Variants in NR6A1 observed in about 807,000 individuals in gnomAD.
NR6A1 encodes the protein nuclear receptor subfamily 6 group A member 1.
Under a neutral mutation model 59.1 loss-of-function variants are expected in NR6A1, and 7 were observed. The ratio of observed to expected loss-of-function variants is 0.12; its 90% CI spans 0.07 to 0.22. The LOEUF (loss-of-function observed/expected upper bound fraction) is 0.22. Among genes scored for constraint, NR6A1 ranks in the 10% least tolerant of loss-of-function variants. NR6A1 has a pLI of 1.00. For synonymous variants in NR6A1, 243 were observed against 236.1 expected, an observed-to-expected ratio of 1.03 and a Z score of -0.27; for missense variants, 468 against 611.6, an observed-to-expected ratio of 0.77 and a Z score of 2.48.
Position 124,554,573 on chromosome 9 carries a change from G to T in NR6A1, c.143-3C>A, listed in dbSNP as rs763700529. 1.9e-6 allele frequency: 3 copies of T among 1,614,016 alleles called. No individual in the cohort carries two copies. Among genetic ancestry groups the T allele is most frequent in the South Asian group, 2.2e-5 (2 of 91,064 alleles). Reference sequence around the variant, plus strand: ...AGCCCGATCATCTGAAACAGAAACTGATCATGTTCAAGTTAGAACACAGTG... The same window carrying T: ...AGCCCGATCATCTGAAACAGAAACTTATCATGTTCAAGTTAGAACACAGTG... On this transcript the variant is annotated splice_polypyrimidine_tract_variant and splice_region_variant and intron_variant, in intron 2 of 9. Coordinates refer to ENST00000487099, the MANE Select transcript of NR6A1 (RefSeq NM_033334.4).
At chr9:124,588,449 A>G (rs1312068159) in intron 2 of NR6A1, among the ~76,000 whole-genome samples, 1 of 151,544 alleles carries the variant, frequency 6.6e-6, no homozygotes, top group Non-Finnish European at 1.5e-5. Flanking sequence ...CTGGGACTAC[A>G]GGCGCCCGCC....
intron 2 of NR6A1, among the ~76,000 whole-genome samples, chr9:124,713,679 AG>A: frequency 6.6e-6 from 1 of 152,374 alleles, no homozygotes; most frequent in South Asian, 2.1e-4. Flanking sequence ...TGCAAATCAA[AG>A]CCACAATGAG....
At chr9:124,737,858 CCTT>C (rs1260448637) in intron 1 of NR6A1, among the ~76,000 whole-genome samples, 3 of 152,202 alleles carry the variant, frequency 2.0e-5, no homozygotes, top group African/African-American at 7.2e-5. Context: ...GAGCAAGACT[CCTT>C]CTCAAAAACC....
intron 1 of NR6A1, among the ~76,000 whole-genome samples, chr9:124,745,525 GC>G (rs1202245676): frequency 6.6e-6 from 1 of 151,890 alleles, no homozygotes; most frequent in East Asian, 1.9e-4. Context: ...TACAAAATTA[GC>G]CGGGCATGGT....
chr9:124,662,971 G>A (rs1837492418), intron 2 of NR6A1, among the ~76,000 whole-genome samples: 1 of 152,164 alleles, frequency 6.6e-6, no homozygotes, highest in African/African-American at 2.4e-5. Flanking sequence ...AGCTATATTA[G>A]AAATACAATG....
intron 2 of NR6A1, among the ~76,000 whole-genome samples, chr9:124,562,273 T>C (rs191517937): frequency 3.3e-5 from 5 of 152,344 alleles, no homozygotes; most frequent in Admixed American, 2.6e-4. Context: ...CCTTTGTATG[T>C]AAAAGTCATG....
rs1411280516 is a variant in NR6A1 at position 124,519,678 on chromosome 9, A to C, written c.*3027T>G. ...CACTTTGGGAGGCCGAGGCAGGCGG[A>C]TCACGAGGTCAGGAGATGGAGACCA... On this transcript the variant is annotated 3_prime_UTR_variant, in exon 10 of 10. Coordinates refer to ENST00000487099, the MANE Select transcript of NR6A1 (RefSeq NM_033334.4). 2 of 152,124 alleles carry C rather than the reference A, an allele frequency of 1.3e-5. No individual in the cohort carries two copies. Among genetic ancestry groups the C allele is most frequent in the African/African-American group, 4.8e-5 (2 of 41,392 alleles). The allele number at this position is 152,124 out of a possible 1,614,324, so 9.4% of individuals were successfully genotyped here.
intron 5 of NR6A1, among the ~76,000 whole-genome samples, chr9:124,539,058 A>G (rs184898360): frequency 6.6e-6 from 1 of 152,218 alleles, no homozygotes; most frequent in East Asian, 1.9e-4. Context: ...TAAAAAAAAA[A>G]GTATTTAATT....
intron 1 of NR6A1, among the ~76,000 whole-genome samples, chr9:124,767,466 T>G (rs1840967576): frequency 6.6e-6 from 1 of 151,896 alleles, no homozygotes. Flanking sequence ...ACTGTCGCCT[T>G]TCTTCTACCC....
intron 2 of NR6A1, among the ~76,000 whole-genome samples, chr9:124,622,482 C>G (rs906883302): frequency 2.6e-5 from 4 of 152,186 alleles, no homozygotes; most frequent in South Asian, 2.1e-4. Flanking sequence ...AATTGAAACA[C>G]TGTGTGTCAA....
At chr9:124,633,863 AGTTG>A (rs1488064162) in intron 2 of NR6A1, among the ~76,000 whole-genome samples, 11 of 152,214 alleles carry the variant, frequency 7.2e-5, no homozygotes, top group African/African-American at 2.7e-4. Context: ...CCTCAGAGAG[AGTTG>A]GTTGTTTTTT....
intron 6 of NR6A1, 127 bp downstream of exon 6, chr9:124,537,963 CCT>C (rs1008840833): frequency 1.9e-5 from 13 of 681,664 alleles, no homozygotes; most frequent in East Asian, 5.4e-5. Context: ...AGATTTGTCC[CCT>C]GACACTTGAG....
chr9:124,658,480 G>C (rs1303769726), intron 2 of NR6A1: 2 of 152,158 alleles, frequency 1.3e-5, no homozygotes, highest in African/African-American at 2.4e-5. Flanking sequence ...CGTCTAGCCT[G>C]GGTTCCAGTA....
chr9:124,759,649 T>G (rs149256112), intron 1 of NR6A1, among the ~76,000 whole-genome samples: 5 of 152,248 alleles, frequency 3.3e-5, no homozygotes, highest in Non-Finnish European at 5.9e-5. Context: ...TACTCCTGCC[T>G]TGAGTAACTC....
intron 1 of NR6A1, among the ~76,000 whole-genome samples, chr9:124,751,884 T>C (rs1486511639): frequency 6.6e-6 from 1 of 152,270 alleles, no homozygotes; most frequent in Admixed American, 6.5e-5. Flanking sequence ...ACTGAATTTT[T>C]TTCTTTTAGT....
At chr9:124,654,875 TACACACACACACAC>T (rs3983841) in intron 2 of NR6A1, among the ~76,000 whole-genome samples, 4 of 123,876 alleles carry the variant, frequency 3.2e-5, no homozygotes, top group East Asian at 2.3e-4. Context: ...TTTTTTTTTG[TACACACACACACAC>T]ACACACACAC....
chr9:124,608,761 C>G (rs1835648121), intron 2 of NR6A1, among the ~76,000 whole-genome samples: 1 of 152,184 alleles, frequency 6.6e-6, no homozygotes, highest in Admixed American at 6.5e-5. Context: ...TTCCCACCAA[C>G]AGTATAAAAG....
intron 2 of NR6A1, among the ~76,000 whole-genome samples, chr9:124,556,179 C>T (rs143422332): frequency 2.6e-5 from 4 of 152,246 alleles, no homozygotes; most frequent in African/African-American, 4.8e-5. Context: ...AAGAATCTTG[C>T]GGTAGGGGGT....
intron 2 of NR6A1, among the ~76,000 whole-genome samples, chr9:124,730,056 G>A (rs940164881): frequency 2.0e-4 from 30 of 151,848 alleles, no homozygotes; most frequent in Admixed American, 1.1e-3. Flanking sequence ...CGGGTGATCC[G>A]CCTGCCTCAG....
Sources: gnomAD v4.1 joint callset for allele counts (sites outside exome capture counted in the v4.1 genomes callset) on GRCh38, gnomAD v4.1.1 for gene constraint, MANE v1.5 for transcripts, NCBI Gene and HGNC (gene_info 2026-07-23, HGNC 2026-07-21) for gene names.